Variants in SDK2 observed in about 807,000 individuals in gnomAD.
The protein encoded by SDK2 is protein sidekick-2.
A neutral mutation model predicts 253.9 loss-of-function variants in SDK2; 105 were observed. That is an observed-to-expected ratio of 0.41 (90% confidence interval 0.35 to 0.49). SDK2 has a LOEUF of 0.49. Among genes scored for constraint, SDK2 ranks in the 20% least tolerant of loss-of-function variants. SDK2 has a pLI of 0.06. For missense variants in SDK2, 2,608 were observed against 3,003.0 expected (o/e 0.87, Z 3.07); for synonymous variants, 1,249 against 1,234.9 (o/e 1.01, Z -0.24).
intron 18 of SDK2, among the ~76,000 whole-genome samples, chr17:73,402,353 T>G (rs918243317): frequency 6.6e-6 from 1 of 152,232 alleles, no homozygotes; most frequent in Non-Finnish European, 1.5e-5. Context: ...CCACTGACTT[T>G]ATGCAAAGCA....
intron 1 of SDK2, among the ~76,000 whole-genome samples, chr17:73,568,734 A>G (rs1188720519): frequency 2.0e-5 from 3 of 152,156 alleles, no homozygotes; most frequent in Admixed American, 2.0e-4. Context: ...ATTTGGAGAA[A>G]GACAAATTGA....
intron 1 of SDK2, among the ~76,000 whole-genome samples, chr17:73,539,675 G>C (rs985747443): frequency 6.6e-6 from 1 of 152,238 alleles, no homozygotes; most frequent in Non-Finnish European, 1.5e-5. Context: ...GAAGCCCTCA[G>C]TCCTGGGACC....
intron 2 of SDK2, among the ~76,000 whole-genome samples, chr17:73,505,438 T>C (rs1447563925): frequency 6.6e-6 from 1 of 152,148 alleles, no homozygotes; most frequent in African/African-American, 2.4e-5. Context: ...ATATAAGAAA[T>C]TCTTTTTCAT....
intron 37 of SDK2, among the ~76,000 whole-genome samples, chr17:73,366,599 G>A (rs542243564): frequency 2.2e-4 from 34 of 152,188 alleles, no homozygotes; most frequent in Admixed American, 5.2e-4. Context: ...TCCAGTCCAC[G>A]AGGACAGAAC....
In SDK2 at chr17:73,483,657, GTGTGTA is replaced by G. The variant is rs1389850359; in HGVS notation, c.225-11445_225-11440del. Among the ~76,000 whole-genome samples the G allele has an allele frequency of 2.1e-3, 81 of 38,266 alleles. 1 individual carries two copies. The highest frequency in any genetic ancestry group is 3.1e-3 in the Non-Finnish European group (60 of 19,288). 25.1% of individuals were successfully genotyped at this position (38,266 alleles called of 152,430 possible). A position where few individuals can be genotyped will look rare whatever the true frequency, so the allele number is the denominator to read the frequency against. On this transcript the variant is annotated intron_variant, in intron 2 of 44. Transcript: ENST00000392650. ...TATATATATATGTGTGTGTGTGTGT[GTGTGTA>G]TATATATATATATATATATTTATAT...
intron 1 of SDK2, among the ~76,000 whole-genome samples, chr17:73,526,830 A>G (rs921506872): frequency 1.3e-5 from 2 of 152,226 alleles, no homozygotes; most frequent in Non-Finnish European, 2.9e-5. Context: ...GAAGCTGAGG[A>G]TGGTCCTGAA....
At chr17:73,409,008 G>A (rs2063104124) in intron 18 of SDK2, among the ~76,000 whole-genome samples, 1 of 152,146 alleles carries the variant, frequency 6.6e-6, no homozygotes, top group Admixed American at 6.6e-5. Flanking sequence ...AACATTCATG[G>A]ATGAACTGAT....
chr17:73,437,332 G>A (rs977303820), intron 8 of SDK2, among the ~76,000 whole-genome samples: 7 of 152,112 alleles, frequency 4.6e-5, no homozygotes, highest in African/African-American at 1.7e-4. Flanking sequence ...GGAGGGAGCT[G>A]GCAGAGGAGA....
chr17:73,618,540 G>A lies in SDK2; in HGVS notation c.64+25485C>T, dbSNP rs976216521. Among the ~76,000 whole-genome samples, 2 of 152,224 alleles carry A rather than the reference G, an allele frequency of 1.3e-5. No individual in the cohort carries two copies. Among genetic ancestry groups the A allele is most frequent in the East Asian group, 3.9e-4 (2 of 5,194 alleles). Reference sequence around the variant, plus strand: ...ACCTACTGTATGCCCAGGACAGTGTGAGAAATGAGAGAGGAAAAAGGAGTC... The same window carrying A: ...ACCTACTGTATGCCCAGGACAGTGTAAGAAATGAGAGAGGAAAAAGGAGTC... On this transcript the variant is annotated intron_variant, in intron 1 of 44. Transcript: ENST00000392650. The surrounding 1 kb of genome is among the most constrained non-coding windows in gnomAD (Gnocchi z 4.1).
intron 18 of SDK2, among the ~76,000 whole-genome samples, chr17:73,405,069 T>C (rs1235162781): frequency 3.4e-5 from 5 of 148,092 alleles, no homozygotes; most frequent in South Asian, 2.2e-4. Flanking sequence ...GTGAAATGTC[T>C]CCTGTCCCTG....
At position 73,423,024 on chromosome 17, in the gene SDK2, A is replaced by AAATG. The variant is rs1265363110; in HGVS notation, c.1897+358_1897+361dup. On this transcript the variant is annotated intron_variant, in intron 14 of 44. Coordinates refer to ENST00000392650, the MANE Select transcript of SDK2 (RefSeq NM_001144952.2). ...TGACAAGTGTGAAACTCCGTCTCAA[A>AAATG]AATGAATAAATAAATAAATAATAAA... Among the ~76,000 whole-genome samples, 882 of 126,910 alleles carry AAATG rather than the reference A, an allele frequency of 6.9e-3. 7 individuals are homozygous for AAATG. The highest frequency in any genetic ancestry group is 0.024 in the African/African-American group (820 of 34,074). 83.3% of individuals were successfully genotyped at this position (126,910 alleles called of 152,430 possible). A position where few individuals can be genotyped will look rare whatever the true frequency, so the allele number is the denominator to read the frequency against.
At chr17:73,483,633 A>G (rs571034795) in intron 2 of SDK2, among the ~76,000 whole-genome samples, 1,361 of 41,052 alleles carry the variant, frequency 0.033, 20 homozygotes, top group Non-Finnish European at 0.049. Flanking sequence ...ATGTATATGT[A>G]TATATATATG....
In SDK2 at chr17:73,610,273, G is replaced by C. The variant is rs76876695; in HGVS notation, c.64+33752C>G. Among the ~76,000 whole-genome samples, 555 of 152,284 alleles carry C rather than the reference G, an allele frequency of 3.6e-3. 1 individual carries two copies. Among genetic ancestry groups the C allele is most frequent in the African/African-American group, 0.013 (528 of 41,556 alleles). ...GTAGGTTTCATCAGCTCTTCGAAGG[G>C]GACTATATCCTCAGGAGAGATGCGG... On this transcript the variant is annotated intron_variant, in intron 1 of 44. Transcript: ENST00000392650.
At chr17:73,585,300 C>T (rs945143285) in intron 1 of SDK2, among the ~76,000 whole-genome samples, 5 of 152,184 alleles carry the variant, frequency 3.3e-5, no homozygotes, top group Non-Finnish European at 5.9e-5. Context: ...GAGTCTAGGG[C>T]GATGAGAAGT....
intron 16 of SDK2, among the ~76,000 whole-genome samples, chr17:73,417,002 GTT>G (rs1355747744): frequency 6.6e-6 from 1 of 152,178 alleles, no homozygotes; most frequent in Non-Finnish European, 1.5e-5. Context: ...TTAAGAAAAA[GTT>G]ATATCATAAA....
intron 1 of SDK2, among the ~76,000 whole-genome samples, chr17:73,562,125 CA>C (rs541058311): frequency 1.3e-5 from 2 of 151,368 alleles, no homozygotes; most frequent in African/African-American, 2.4e-5. Context: ...AACTCCGTCT[CA>C]AAAAAAAGAC....
At chr17:73,488,768 A>C (rs1345790710) in intron 2 of SDK2, among the ~76,000 whole-genome samples, 1 of 152,166 alleles carries the variant, frequency 6.6e-6, no homozygotes, top group Non-Finnish European at 1.5e-5. Context: ...TATGTGTAAA[A>C]TTGTGCAATT....
In SDK2 at chr17:73,350,387, G is replaced by C. The variant is rs747154765; in HGVS notation, c.5900-12C>G. ...CTTGGCACTGTTCCCTGAAGTCGGC[G>C]GGAGATTGACACCCTTTAGACTGTG... On this transcript the variant is annotated splice_polypyrimidine_tract_variant and intron_variant, in intron 42 of 44. Coordinates refer to ENST00000392650, the MANE Select transcript of SDK2 (RefSeq NM_001144952.2). 22 of 1,611,276 alleles carry C rather than the reference G, an allele frequency of 1.4e-5. No individual in the cohort carries two copies. The South Asian group carries it at 2.2e-4, about 16-fold the overall frequency.
chr17:73,592,015 C>T (rs2045689120), intron 1 of SDK2, among the ~76,000 whole-genome samples: 1 of 152,234 alleles, frequency 6.6e-6, no homozygotes, highest in Non-Finnish European at 1.5e-5. Context: ...TGCAGTTTCT[C>T]ACCCACATGA....
Sources: allele counts gnomAD v4.1 joint callset (sites outside exome capture counted in the v4.1 genomes callset), GRCh38; gene constraint gnomAD v4.1.1; non-coding constraint Gnocchi (gnomAD v3.1); transcripts MANE v1.5; gene names NCBI Gene and HGNC (gene_info 2026-07-23, HGNC 2026-07-21).